Variants in RAPGEF2 observed in about 807,000 individuals in gnomAD.
RAPGEF2 encodes the protein PDZ domain containing guanine nucleotide exchange factor (GEF) 1.
Under a neutral mutation model 186.7 loss-of-function variants are expected in RAPGEF2, and 54 were observed. The ratio of observed to expected loss-of-function variants is 0.29; its 90% CI spans 0.23 to 0.36. The LOEUF (loss-of-function observed/expected upper bound fraction) is 0.36. Ranked by LOEUF, RAPGEF2 falls within the 10% of genes least tolerant of loss-of-function variation. The pLI is 1.00. For missense variants in RAPGEF2, 1,532 were observed against 2,045.0 expected, an observed-to-expected ratio of 0.75 and a Z score of 4.84; for synonymous variants, 712 against 705.9, an observed-to-expected ratio of 1.01 and a Z score of -0.14.
At chr4:159,271,216 A>G (rs1288373958) in intron 7 of RAPGEF2, among the ~76,000 whole-genome samples, 1 of 152,112 alleles carries the variant, frequency 6.6e-6, no homozygotes, top group Non-Finnish European at 1.5e-5. Context: ...AAAATTTCCC[A>G]ATATAGGATG....
chr4:159,190,081 TC>T (rs1203608229), intron 2 of RAPGEF2, among the ~76,000 whole-genome samples: 2 of 152,192 alleles, frequency 1.3e-5, no homozygotes, highest in Non-Finnish European at 2.9e-5. Context: ...AAAGATTTCT[TC>T]AGTGTAGAGG....
intron 3 of RAPGEF2, among the ~76,000 whole-genome samples, chr4:159,199,070 A>G (rs951109064): frequency 6.4e-4 from 97 of 151,882 alleles, no homozygotes; most frequent in Non-Finnish European, 1.1e-3. Flanking sequence ...AAAAAAAAAA[A>G]AAAAAAAAGT....
At chr4:159,123,895 G>C (rs1030987338) in intron 1 of RAPGEF2, among the ~76,000 whole-genome samples, 3 of 151,830 alleles carry the variant, frequency 2.0e-5, no homozygotes, top group African/African-American at 7.3e-5. Flanking sequence ...CACTCTTCTT[G>C]CCCAGGCTGG....
chr4:159,332,325 A>G, intron 16 of RAPGEF2, 126 bp from the exon 17 acceptor site: 1 of 980,184 alleles, frequency 1.0e-6, no homozygotes, highest in Non-Finnish European at 1.5e-6. Flanking sequence ...GTTTTTCTGC[A>G]GGTTTGCAGT....
intron 1 of RAPGEF2, among the ~76,000 whole-genome samples, chr4:159,177,918 A>G (rs1746608031): frequency 6.6e-6 from 1 of 152,204 alleles, no homozygotes; most frequent in South Asian, 2.1e-4. Flanking sequence ...AAGGAAGAAT[A>G]TGTTGGCATC....
At position 159,332,685 on chromosome 4, in the gene RAPGEF2, A is replaced by C. The variant is rs1360580657; in HGVS notation, c.2123A>C (p.Gln708Pro). The part of the protein sequence containing the change: ...LDKTRISILP[Q>P]KPYNDIGIGQ... ...AAGACTCGGATCAGTATCTTGCCAC[A>C]GAAACCATACAAGTAAGCATCTGCA... The change falls in exon 17 of 30, where the codon CAG becomes CCG. Residue 708 changes from glutamine (Q) to proline (P), a missense_variant. Physicochemically the swap from Gln to Pro is moderately conservative, Grantham distance 76 (BLOSUM62 -1). Transcript: ENST00000691494. The C allele has an allele frequency of 1.2e-6, 2 of 1,614,116 alleles. No homozygotes were observed. Among genetic ancestry groups the C allele is most frequent in the Non-Finnish European group, 8.5e-7 (1 of 1,179,980 alleles).
At chr4:159,351,268 A>C in intron 26 of RAPGEF2, 3 of 1,380,112 alleles carry the variant, frequency 2.2e-6, no homozygotes, top group Non-Finnish European at 2.9e-6. Context: ...TCCAAATGTC[A>C]AGTGCTCCAT....
chr4:159,310,593 A>T (rs1453346968), intron 8 of RAPGEF2, among the ~76,000 whole-genome samples: 2 of 152,116 alleles, frequency 1.3e-5, no homozygotes, highest in African/African-American at 2.4e-5. Flanking sequence ...CTTTTGATTT[A>T]AATAGTGGAG....
At chr4:159,290,724 A>G (rs1761088988) in intron 7 of RAPGEF2, among the ~76,000 whole-genome samples, 1 of 151,864 alleles carries the variant, frequency 6.6e-6, no homozygotes, top group South Asian at 2.1e-4. Flanking sequence ...CATTCAGACT[A>G]TTCATTTAAT....
Position 159,194,183 on chromosome 4 carries a change from C to A in RAPGEF2, c.197+927C>A, listed in dbSNP as rs560512354. On this transcript the variant is annotated intron_variant, in intron 3 of 29. Coordinates refer to ENST00000691494, the MANE Select transcript of RAPGEF2 (RefSeq NM_001394067.2). ...GCAGAAGGAACAGTATGTGCTGGGACGCAGAGAGGTGACGGGGCCTGGCCT... is the reference window on the plus strand; with the variant it reads ...GCAGAAGGAACAGTATGTGCTGGGAAGCAGAGAGGTGACGGGGCCTGGCCT... 2.0e-5 allele frequency among the ~76,000 whole-genome samples: 3 copies of A among 152,192 alleles called. No homozygotes were observed. The South Asian group carries it at 6.2e-4, about 32-fold the overall frequency.
intron 7 of RAPGEF2, among the ~76,000 whole-genome samples, chr4:159,250,338 T>A (rs965396619): frequency 2.0e-5 from 3 of 152,142 alleles, no homozygotes; most frequent in African/African-American, 4.8e-5. Flanking sequence ...TAATAATAAT[T>A]AAGTGGAAGA....
At chr4:159,197,520 A>G (rs1748771999) in intron 3 of RAPGEF2, among the ~76,000 whole-genome samples, 1 of 152,224 alleles carries the variant, frequency 6.6e-6, no homozygotes. Context: ...GGTTTCCAAA[A>G]GAGTTTTCAT....
chr4:159,276,127 AT>A (rs957997886), intron 7 of RAPGEF2, among the ~76,000 whole-genome samples: 4 of 152,124 alleles, frequency 2.6e-5, no homozygotes, highest in Non-Finnish European at 5.9e-5. Flanking sequence ...GTCAGTAAAG[AT>A]TTAGAATGAT....
At chr4:159,234,493 C>G (rs1368063810) in intron 4 of RAPGEF2, among the ~76,000 whole-genome samples, 1 of 151,094 alleles carries the variant, frequency 6.6e-6, no homozygotes, top group Non-Finnish European at 1.5e-5. Flanking sequence ...GGTGATTATT[C>G]TGCCTCAGCC....
intron 1 of RAPGEF2, among the ~76,000 whole-genome samples, chr4:159,153,745 T>A (rs895940204): frequency 6.6e-6 from 1 of 152,218 alleles, no homozygotes; most frequent in African/African-American, 2.4e-5. Context: ...TGCTGTTTCT[T>A]TGAGAAAATA....
Position 159,216,739 on chromosome 4 carries a change from G to T in RAPGEF2, c.281+6156G>T, listed in dbSNP as rs913218076. On this transcript the variant is annotated intron_variant, in intron 4 of 29. Coordinates refer to ENST00000691494, the MANE Select transcript of RAPGEF2 (RefSeq NM_001394067.2). ...ACTGGCAGAAGGTTGAAAGAAATGTGCATATCATGTATTTGCACCACGTTG... is the reference window on the plus strand; with the variant it reads ...ACTGGCAGAAGGTTGAAAGAAATGTTCATATCATGTATTTGCACCACGTTG... Among the ~76,000 whole-genome samples, 10 of 152,128 alleles carry T rather than the reference G, an allele frequency of 6.6e-5. No individual in the cohort carries two copies. In the South Asian group the frequency reaches 1.7e-3, roughly 25 times the overall value.
At chr4:159,319,150 C>G (rs1031899132) in intron 9 of RAPGEF2, among the ~76,000 whole-genome samples, 1 of 152,068 alleles carries the variant, frequency 6.6e-6, no homozygotes, top group Non-Finnish European at 1.5e-5. Flanking sequence ...TTTTGAGCCC[C>G]CTGTAGCAGG....
chr4:159,354,089 T>C, intron 28 of RAPGEF2, 43 bp downstream of exon 28: 1 of 1,483,026 alleles, frequency 6.7e-7, no homozygotes, highest in South Asian at 1.4e-5. Context: ...CTGGATCATG[T>C]CTTTAATGTA....
rs143446637 is a variant in RAPGEF2 at position 159,122,428 on chromosome 4, G to A, written c.69+18197G>A. On this transcript the variant is annotated intron_variant, in intron 1 of 29. Transcript: ENST00000691494. ...CAGGAGGCAGAGATTGCAGTGAGCC[G>A]AGACTGCACCACAGCACTCCAGCCT... 2.1e-3 allele frequency among the ~76,000 whole-genome samples: 315 copies of A among 151,822 alleles called. 2 individuals carry two copies. The highest frequency in any genetic ancestry group is 2.3e-3 in the Non-Finnish European group (159 of 67,952).
Sources: allele counts gnomAD v4.1 joint callset (sites outside exome capture counted in the v4.1 genomes callset), GRCh38; gene constraint gnomAD v4.1.1; transcripts MANE v1.5; gene names NCBI Gene and HGNC (gene_info 2026-07-23, HGNC 2026-07-21).